The following ARHGAP39 variants were observed in gnomAD, a reference collection of about 807,000 sequenced individuals.
ARHGAP39 encodes the protein Rho GTPase activating protein 39, also known as rho GTPase-activating protein 39.
A neutral mutation model predicts 106.9 loss-of-function variants in ARHGAP39; 44 were observed. That is an observed-to-expected ratio of 0.41 (90% confidence interval 0.32 to 0.53). ARHGAP39 has a LOEUF of 0.53. Among genes scored for constraint, ARHGAP39 ranks in the 20% least tolerant of loss-of-function variants. ARHGAP39 has a pLI of 0.21. For synonymous variants in ARHGAP39, 768 were observed against 693.2 expected (o/e 1.11, Z -1.69); for missense variants, 1,496 against 1,577.3 (o/e 0.95, Z 0.87).
chr8:144,696,064 G>A, the ARHGAP39 span, among the ~76,000 whole-genome samples: 7 of 152,108 alleles, frequency 4.6e-5, no homozygotes, highest in Non-Finnish European at 1.0e-4. Flanking sequence ...AACAAGCTTG[G>A]GGATTACAGT....
At chr8:144,551,650 C>T (rs1445363607) in intron 4 of ARHGAP39, among the ~76,000 whole-genome samples, 1 of 146,538 alleles carries the variant, frequency 6.8e-6, no homozygotes, top group Non-Finnish European at 1.5e-5. Context: ...TCTGCTCTTT[C>T]CCTGGGGCAG....
At chr8:144,697,001 C>T in the ARHGAP39 span, among the ~76,000 whole-genome samples, 1 of 152,116 alleles carries the variant, frequency 6.6e-6, no homozygotes, top group African/African-American at 2.4e-5. Flanking sequence ...TGTTATGAGA[C>T]AGAGGACAAC....
chr8:144,581,394 G>C, intron 2 of ARHGAP39, 117 bp from the exon 3 acceptor site: 2 of 1,189,550 alleles, frequency 1.7e-6, no homozygotes, highest in Non-Finnish European at 2.3e-6. Context: ...TGTCATAGAG[G>C]AAAGCAAACC....
chr8:144,686,186 G>A (rs1822586471), upstream of ARHGAP39, among the ~76,000 whole-genome samples: 1 of 152,090 alleles, frequency 6.6e-6, no homozygotes, highest in Non-Finnish European at 1.5e-5. Flanking sequence ...TGGGCTTCCC[G>A]AGTCTGAGAT....
chr8:144,618,349 T>C (rs1231454331), intron 1 of ARHGAP39, among the ~76,000 whole-genome samples: 1 of 152,250 alleles, frequency 6.6e-6, no homozygotes, highest in Non-Finnish European at 1.5e-5. Context: ...TTCTGCTCAG[T>C]AATCTCACAT....
intron 1 of ARHGAP39, among the ~76,000 whole-genome samples, chr8:144,623,720 C>G (rs955735143): frequency 6.6e-6 from 1 of 152,218 alleles, no homozygotes; most frequent in African/African-American, 2.4e-5. Flanking sequence ...CAGGGAGTGT[C>G]TCTGAAACTG....
intron 1 of ARHGAP39, among the ~76,000 whole-genome samples, chr8:144,662,213 A>C (rs954864539): frequency 2.8e-5 from 4 of 143,126 alleles, no homozygotes; most frequent in African/African-American, 8.0e-5. Flanking sequence ...TCCGCCTTGG[A>C]CCGCTCCCCC....
intron 2 of ARHGAP39, among the ~76,000 whole-genome samples, chr8:144,593,558 GACAA>G (rs1483861239): frequency 6.6e-6 from 1 of 152,136 alleles, no homozygotes; most frequent in East Asian, 1.9e-4. Flanking sequence ...CATGCAATAA[GACAA>G]ACAATGGAAA....
chr8:144,579,029 T>C (rs931756542), intron 3 of ARHGAP39, among the ~76,000 whole-genome samples: 13 of 151,352 alleles, frequency 8.6e-5, no homozygotes, highest in African/African-American at 3.2e-4. Flanking sequence ...GGTGAAACCC[T>C]GTTTCTACTA....
At chr8:144,564,696 T>C (rs1818325888) in intron 3 of ARHGAP39, among the ~76,000 whole-genome samples, 1 of 151,678 alleles carries the variant, frequency 6.6e-6, no homozygotes, top group Admixed American at 6.6e-5. Context: ...AAAAATACAC[T>C]GGGGCTGGGC....
chr8:144,546,142 C>T (rs749405466), intron 5 of ARHGAP39, among the ~76,000 whole-genome samples: 6 of 152,188 alleles, frequency 3.9e-5, no homozygotes, highest in South Asian at 4.1e-4. Flanking sequence ...ATTCTGCCGC[C>T]CCCTGAGGAA....
At chr8:144,599,232 T>C (rs911116588) in intron 2 of ARHGAP39, among the ~76,000 whole-genome samples, 2 of 152,148 alleles carry the variant, frequency 1.3e-5, no homozygotes, top group East Asian at 3.9e-4. Flanking sequence ...ACTGCAGCAG[T>C]CCTTGTAATT....
At chr8:144,674,076 A>G (rs879904184) in intron 1 of ARHGAP39, among the ~76,000 whole-genome samples, 1 of 151,474 alleles carries the variant, frequency 6.6e-6, no homozygotes, top group Non-Finnish European at 1.5e-5. Flanking sequence ...TGGGCTCCCC[A>G]AAGTGCTGCA....
chr8:144,689,267 T>C (rs1159478520), upstream of ARHGAP39, among the ~76,000 whole-genome samples: 2 of 152,010 alleles, frequency 1.3e-5, no homozygotes, highest in African/African-American at 4.8e-5. Context: ...AGAAGTAAGT[T>C]TGACTTTTTA....
At chr8:144,572,347 G>C (rs1459832785) in intron 3 of ARHGAP39, among the ~76,000 whole-genome samples, 1 of 152,132 alleles carries the variant, frequency 6.6e-6, no homozygotes, top group Non-Finnish European at 1.5e-5. Flanking sequence ...TCTGACCTTT[G>C]ACAAACCTTA....
chr8:144,682,652 C>T (rs1436218098), intron 1 of ARHGAP39, among the ~76,000 whole-genome samples: 1 of 152,134 alleles, frequency 6.6e-6, no homozygotes, highest in African/African-American at 2.4e-5. Flanking sequence ...TATGTCCTCC[C>T]TGTCACTTAA....
At chr8:144,581,482 G>A (rs1818989497) in intron 2 of ARHGAP39, among the ~76,000 whole-genome samples, 1 of 152,254 alleles carries the variant, frequency 6.6e-6, no homozygotes, top group African/African-American at 2.4e-5. Context: ...CAGCGCCTCA[G>A]GGTGGTGCAG....
At chr8:144,660,157 C>T (rs934135937) in intron 1 of ARHGAP39, among the ~76,000 whole-genome samples, 1 of 152,196 alleles carries the variant, frequency 6.6e-6, no homozygotes, top group East Asian at 1.9e-4. Flanking sequence ...CGTGTCTCCT[C>T]CTCCTGGACC....
intron 6 of ARHGAP39, among the ~76,000 whole-genome samples, chr8:144,539,684 G>A (rs371618207): frequency 2.0e-4 from 31 of 152,140 alleles, no homozygotes; most frequent in East Asian, 1.2e-3. Context: ...TCTTCACTAA[G>A]TTGCCTTTGC....
Sources: allele counts gnomAD v4.1 joint callset (sites outside exome capture counted in the v4.1 genomes callset), GRCh38; gene constraint gnomAD v4.1.1; transcripts MANE v1.5; gene names NCBI Gene and HGNC (gene_info 2026-07-23, HGNC 2026-07-21).